VAPB: variants seen among roughly 807,000 people sequenced by gnomAD.
VAPB encodes the protein VAMP associated protein B and C, also known as vesicle-associated membrane protein-associated protein B/C.
VAPB carries 7 observed loss-of-function variants against 25.6 expected under a neutral mutation model. That is an observed-to-expected ratio of 0.27 (90% CI 0.16 to 0.51). The LOEUF (loss-of-function observed/expected upper bound fraction) is 0.51. Among genes scored for constraint, VAPB ranks in the 20% least tolerant of loss-of-function variants. VAPB has a pLI of 0.97. For missense variants in VAPB, 266 were observed against 301.3 expected, an observed-to-expected ratio of 0.88 and a Z score of 0.87; for synonymous variants, 112 against 109.2, an observed-to-expected ratio of 1.03 and a Z score of -0.16.
chr20:58,423,530 A>T (rs1988721358), intron 2 of VAPB, among the ~76,000 whole-genome samples: 1 of 149,056 alleles, frequency 6.7e-6, no homozygotes, highest in Non-Finnish European at 1.5e-5. Context: ...AATGGATAGT[A>T]TTGTGATTAA....
intron 2 of VAPB, among the ~76,000 whole-genome samples, chr20:58,427,587 A>G (rs894486697): frequency 3.3e-5 from 5 of 151,762 alleles, no homozygotes; most frequent in Non-Finnish European, 7.4e-5. Flanking sequence ...GATGCAGGCA[A>G]AAGTGATCTG....
intron 1 of VAPB, among the ~76,000 whole-genome samples, chr20:58,391,566 C>T (rs117189977): frequency 0.015 from 2,346 of 151,886 alleles, 35 homozygotes; most frequent in South Asian, 0.036. Context: ...AGAGTTCTCA[C>T]TCTGTCACCC....
chr20:58,403,964 T>A (rs1988161325), intron 1 of VAPB, among the ~76,000 whole-genome samples: 1 of 152,174 alleles, frequency 6.6e-6, no homozygotes, highest in South Asian at 2.1e-4. Context: ...ATCTACTCAG[T>A]CCATTTAAAT....
At position 58,444,079 on chromosome 20, in the gene VAPB, A is replaced by G; in HGVS notation, c.576A>G (p.Glu192=). Residue 192 remains glutamate (E), a splice_region_variant and synonymous_variant, in exon 6 of 6, where the codon GAA becomes GAG. Coordinates refer to ENST00000475243, the MANE Select transcript of VAPB (RefSeq NM_004738.5). ...GAAATGTGCGTTTGCTCCCGTAGGAAGAAGATGGACTGCGGATGAGGAAGA... is the reference window on the plus strand; with the variant it reads ...GAAATGTGCGTTTGCTCCCGTAGGAGGAAGATGGACTGCGGATGAGGAAGA... ...RLREENKQFK[E]EDGLRMRKTV... 1.9e-6 allele frequency: 3 copies of G among 1,614,218 alleles called. No homozygotes were observed. The highest frequency in any genetic ancestry group is 2.5e-6 in the Non-Finnish European group (3 of 1,180,038).
At chr20:58,435,948 G>A (rs559651409) in intron 3 of VAPB, among the ~76,000 whole-genome samples, 2 of 152,262 alleles carry the variant, frequency 1.3e-5, no homozygotes, top group East Asian at 3.9e-4. Context: ...GTGTTTTCGA[G>A]CTGAGTTCTT....
intron 1 of VAPB, among the ~76,000 whole-genome samples, chr20:58,413,543 T>G (rs1328683269): frequency 6.6e-6 from 1 of 152,134 alleles, no homozygotes; most frequent in African/African-American, 2.4e-5. Context: ...CCATGTCTAC[T>G]TCTTTCTACA....
At chr20:58,409,339 A>G (rs757822935) in intron 1 of VAPB, among the ~76,000 whole-genome samples, 3 of 152,218 alleles carry the variant, frequency 2.0e-5, no homozygotes, top group Admixed American at 6.5e-5. Context: ...TAGACTGTCA[A>G]AGGGTAAAAT....
At chr20:58,411,032 T>A (rs753880628) in intron 1 of VAPB, among the ~76,000 whole-genome samples, 2 of 152,176 alleles carry the variant, frequency 1.3e-5, no homozygotes, top group Non-Finnish European at 2.9e-5. Context: ...TCAACTTACT[T>A]GGGTAAATAC....
At chr20:58,393,461 C>G (rs1987861682) in intron 1 of VAPB, among the ~76,000 whole-genome samples, 1 of 152,200 alleles carries the variant, frequency 6.6e-6, no homozygotes, top group Admixed American at 6.5e-5. Flanking sequence ...TCTCCTCACT[C>G]TGAGATCCCA....
At chr20:58,424,378 G>A (rs541616832) in intron 2 of VAPB, among the ~76,000 whole-genome samples, 3 of 146,862 alleles carry the variant, frequency 2.0e-5, no homozygotes, top group Non-Finnish European at 1.5e-5. Flanking sequence ...GACAGTGGAC[G>A]GGCTGGGCAA....
rs759656151 is a variant in VAPB at position 58,446,460 on chromosome 20, G to T, written c.*2225G>T. The T allele has an allele frequency of 1.8e-5, 8 of 453,960 alleles. No individual in the cohort carries two copies. The highest frequency in any genetic ancestry group is 2.6e-5 in the Non-Finnish European group (6 of 226,794). The allele number at this position is 453,960 out of a possible 1,614,324, so 28.1% of individuals were successfully genotyped here. A position where few individuals can be genotyped will look rare whatever the true frequency, so the allele number is the denominator to read the frequency against. ...CTATTTATTTTTAAAGGATATGGCC[G>T]TGTGTTTTGATAAAACTTTATTCAC... On this transcript the variant is annotated 3_prime_UTR_variant, in exon 6 of 6. Transcript: ENST00000475243.
chr20:58,396,093 C>T (rs1246360648), intron 1 of VAPB, among the ~76,000 whole-genome samples: 2 of 151,050 alleles, frequency 1.3e-5, no homozygotes, highest in African/African-American at 2.5e-5. Flanking sequence ...GGCATAGTCC[C>T]GTGAGAAAAC....
rs746716055 is a variant in VAPB, at chr20:58,440,986, C to G, written c.476C>G (p.Ser159Cys). ...CCAATAGTGTCTAAGTCTCTGAGTT[C>G]TTCTTTGGATGACACCGAAGTTAAG... is the stretch of plus-strand genomic sequence containing the variant. ...ETPIVSKSLS[S>C]SLDDTEVKKV... is the part of the protein sequence containing the mutation. The change falls in exon 5 of 6, where the codon TCT becomes TGT. Residue 159 changes from serine to cysteine, a missense_variant. Ser to Cys is a moderately radical substitution (Grantham distance 112). This residue lies in a region of VAPB where 136 missense variants were observed against 130.7 expected (regional missense o/e 1.04). Transcript: ENST00000475243. The G allele has an allele frequency of 2.5e-6, 4 of 1,605,262 alleles. No homozygotes were observed. The highest frequency in any genetic ancestry group is 3.4e-6 in the Non-Finnish European group (4 of 1,171,994).
In VAPB at chr20:58,444,047, T is replaced by C. The variant is rs764136522; in HGVS notation, c.574-30T>C. 3.1e-6 allele frequency: 5 copies of C among 1,614,138 alleles called. No homozygotes were observed. The South Asian group carries it at 4.4e-5, about 14-fold the overall frequency. On this transcript the variant is annotated intron_variant, in intron 5 of 5. Coordinates refer to ENST00000475243, the MANE Select transcript of VAPB (RefSeq NM_004738.5). Reference sequence around the variant, plus strand: ...GACTCCCCTTTCTGGTGCCTTGGCTTGTCTTTGAAATGTGCGTTTGCTCCC... The same window carrying C: ...GACTCCCCTTTCTGGTGCCTTGGCTCGTCTTTGAAATGTGCGTTTGCTCCC...
chr20:58,444,240 A>G lies in VAPB; in HGVS notation c.*5A>G. ...ATTGGGAAGATTGCCTTGTAGAGGTAGCATGCACAGGATGGTAAATTGGAT... is the reference window on the plus strand; with the variant it reads ...ATTGGGAAGATTGCCTTGTAGAGGTGGCATGCACAGGATGGTAAATTGGAT... On this transcript the variant is annotated 3_prime_UTR_variant, in exon 6 of 6. Transcript: ENST00000475243. The G allele has an allele frequency of 6.2e-7, 1 of 1,614,180 alleles. No individual in the cohort carries two copies. The highest frequency in any genetic ancestry group is 8.5e-7 in the Non-Finnish European group (1 of 1,180,018).
rs2123111738 is a variant in VAPB, at chr20:58,447,879, G to A, written c.*3644G>A. The stretch of plus-strand genomic sequence containing the variant: ...GAGAAATACATGTATGAAGAGATAG[G>A]GGTCTTGGGCTTCCCAGTGTCACTT... On this transcript the variant is annotated 3_prime_UTR_variant, in exon 6 of 6. Coordinates refer to ENST00000475243, the MANE Select transcript of VAPB (RefSeq NM_004738.5). 6.6e-6 allele frequency: 3 copies of A among 453,668 alleles called. 1 individual carries two copies. The highest frequency in any genetic ancestry group is 1.4e-4 in the East Asian group (2 of 14,360). 28.1% of individuals were successfully genotyped at this position (453,668 alleles called of 1,614,324 possible). A position where few individuals can be genotyped will look rare whatever the true frequency, so the allele number is the denominator to read the frequency against.
At chr20:58,394,234 T>A (rs954175976) in intron 1 of VAPB, among the ~76,000 whole-genome samples, 2 of 150,976 alleles carry the variant, frequency 1.3e-5, no homozygotes, top group African/African-American at 2.5e-5. Flanking sequence ...AAGGACGTTG[T>A]TTGTTTTGTT....
At chr20:58,418,766 C>G (rs919564783) in intron 2 of VAPB, among the ~76,000 whole-genome samples, 8 of 152,138 alleles carry the variant, frequency 5.3e-5, no homozygotes, top group Admixed American at 2.0e-4. Flanking sequence ...GAGTTATTTT[C>G]TTATTTAAGC....
At chr20:58,417,687 A>T (rs1436254431) in intron 1 of VAPB, among the ~76,000 whole-genome samples, 1 of 152,142 alleles carries the variant, frequency 6.6e-6, no homozygotes, top group Non-Finnish European at 1.5e-5. Context: ...GTGTTTATAG[A>T]CCATTAACAC....
Sources: gnomAD v4.1 joint callset for allele counts (sites outside exome capture counted in the v4.1 genomes callset) on GRCh38, gnomAD v4.1.1 for gene constraint, gnomAD v4.1.1 regional missense constraint, MANE v1.5 for transcripts, NCBI Gene and HGNC (gene_info 2026-07-23, HGNC 2026-07-21) for gene names.